The following BANK1 variants were observed in gnomAD, a reference collection of about 807,000 sequenced individuals.
The protein encoded by BANK1 is B cell scaffold protein with ankyrin repeats 1, also known as B-cell scaffold protein with ankyrin repeats.
In BANK1, 95 loss-of-function variants were observed where a neutral mutation model predicts 94.5. The ratio of observed to expected loss-of-function variants is 1.00; its 90% CI spans 0.85 to 1.19. The LOEUF (loss-of-function observed/expected upper bound fraction) is 1.19. Ranked by LOEUF, BANK1 falls within the 50% of genes most tolerant of loss-of-function variation. The pLI is 0.00. For missense variants in BANK1, 987 were observed against 932.2 expected, an observed-to-expected ratio of 1.06 and a Z score of -0.77; for synonymous variants, 334 against 308.4, an observed-to-expected ratio of 1.08 and a Z score of -0.87.
At chr4:101,977,795 T>C (rs1725185417) in intron 7 of BANK1, among the ~76,000 whole-genome samples, 1 of 152,124 alleles carries the variant, frequency 6.6e-6, no homozygotes, top group Non-Finnish European at 1.5e-5. Flanking sequence ...AAGACAAAAA[T>C]GATAGAACTA....
chr4:102,045,827 T>C (rs992301503), intron 11 of BANK1, among the ~76,000 whole-genome samples: 8 of 151,962 alleles, frequency 5.3e-5, no homozygotes, highest in Non-Finnish European at 8.8e-5. Flanking sequence ...TTCATGCTCA[T>C]GGGTAGGAAG....
At chr4:102,011,175 C>T (rs1726501636) in intron 7 of BANK1, among the ~76,000 whole-genome samples, 1 of 152,202 alleles carries the variant, frequency 6.6e-6, no homozygotes, top group South Asian at 2.1e-4. Context: ...AGGAAAATTT[C>T]CCCAAAGGTA....
At chr4:101,893,230 A>G (rs1721939870) in intron 5 of BANK1, among the ~76,000 whole-genome samples, 1 of 152,008 alleles carries the variant, frequency 6.6e-6, no homozygotes, top group Non-Finnish European at 1.5e-5. Flanking sequence ...GGTACCCTCC[A>G]TGAGAAATGG....
intron 14 of BANK1, 33 bp downstream of exon 14, chr4:102,071,337 A>T (rs1239783830): frequency 6.2e-7 from 1 of 1,601,034 alleles, no homozygotes; most frequent in South Asian, 1.1e-5. Flanking sequence ...AGGATCTAAG[A>T]CTAAAACAAA....
chr4:101,824,347 G>T (rs934450059), intron 1 of BANK1, among the ~76,000 whole-genome samples: 2 of 152,206 alleles, frequency 1.3e-5, no homozygotes, highest in Admixed American at 1.3e-4. Context: ...GATGTGGGAT[G>T]TACATCCACA....
At chr4:102,007,146 T>TTATATATATATATA (rs376933355) in intron 7 of BANK1, among the ~76,000 whole-genome samples, 1 of 38,066 alleles carries the variant, frequency 2.6e-5, no homozygotes, top group Non-Finnish European at 6.8e-5. Flanking sequence ...AAAATATATT[T>TTATATATATATATA]TATATATATA....
rs527575052 is a variant in BANK1 at position 102,069,860 on chromosome 4, G to C, written c.2213-1415G>C. On this transcript the variant is annotated intron_variant, in intron 13 of 16. Coordinates refer to ENST00000322953, the MANE Select transcript of BANK1 (RefSeq NM_017935.5). ...TACACATACTGAGTGAAAGATAACA[G>C]ATAAAAAGGATGGATCAGACACAAG... Among the ~76,000 whole-genome samples the C allele has an allele frequency of 2.6e-5, 4 of 152,204 alleles. No individual in the cohort carries two copies. The South Asian group carries it at 8.3e-4, about 32-fold the overall frequency.
intron 1 of BANK1, among the ~76,000 whole-genome samples, chr4:101,825,179 G>C (rs1391820981): frequency 6.6e-5 from 10 of 152,028 alleles, no homozygotes; most frequent in African/African-American, 2.4e-4. Context: ...TTTTTATTAT[G>C]ATGCAACTTT....
intron 2 of BANK1, among the ~76,000 whole-genome samples, chr4:101,847,736 T>TACACACACACACACACACACACACAC (rs35196238): frequency 6.4e-4 from 94 of 145,774 alleles, no homozygotes; most frequent in African/African-American, 2.3e-3. Context: ...TATTCCATCA[T>TACACACACACACACACACACACACAC]ACACACACAC....
At chr4:101,917,907 C>T in intron 6 of BANK1, 86 bp from the exon 7 acceptor site, 1 of 941,282 alleles carries the variant, frequency 1.1e-6, no homozygotes, top group Non-Finnish European at 1.6e-6. Flanking sequence ...ATGGGAATTA[C>T]TTTTAGGAGC....
At chr4:101,947,799 G>C (rs865777600) in intron 7 of BANK1, among the ~76,000 whole-genome samples, 5 of 151,964 alleles carry the variant, frequency 3.3e-5, no homozygotes, top group Middle Eastern at 3.4e-3. Context: ...GTTTAGTCAT[G>C]TTCACTTATC....
chr4:102,055,408 A>G (rs1208386805), intron 11 of BANK1, among the ~76,000 whole-genome samples: 1 of 152,012 alleles, frequency 6.6e-6, no homozygotes, highest in Non-Finnish European at 1.5e-5. Context: ...TCAGAAGTAG[A>G]GGTATTCGTG....
In BANK1 at chr4:101,829,940, G is replaced by T. The variant is rs369642143; in HGVS notation, c.203G>T (p.Arg68Leu). ...TATCGCTTGGAGAATTTCTCTTTTC[G>T]GCATTTGGAGTTGCTGAACTTAACG... ...LLYRLENFSF[R>L]HLELLNLTSY... The change falls in exon 2 of 17, where the codon CGG (arginine) becomes CTG (leucine). Residue 68 changes from arginine to leucine, a missense_variant. By Grantham distance (102) the Arg-to-Leu change is moderately radical (BLOSUM62 -2). Transcript: ENST00000322953. 1 of 1,613,798 alleles carries T rather than the reference G, an allele frequency of 6.2e-7. No individual in the cohort carries two copies. Among genetic ancestry groups the T allele is most frequent in the Admixed American group, 1.7e-5 (1 of 59,996 alleles).
At chr4:101,827,515 T>G (rs985598706) in intron 1 of BANK1, among the ~76,000 whole-genome samples, 1 of 151,980 alleles carries the variant, frequency 6.6e-6, no homozygotes, top group Admixed American at 6.6e-5. Flanking sequence ...TTTTTCCCAC[T>G]GTGTAATCAC....
At chr4:101,954,135 G>A (rs1724261759) in intron 7 of BANK1, among the ~76,000 whole-genome samples, 1 of 152,038 alleles carries the variant, frequency 6.6e-6, no homozygotes, top group African/African-American at 2.4e-5. Flanking sequence ...TGTTTTCCCT[G>A]TGTGTATCTC....
chr4:101,830,469 T>C (rs1726574398), intron 2 of BANK1, among the ~76,000 whole-genome samples: 1 of 152,170 alleles, frequency 6.6e-6, no homozygotes, highest in South Asian at 2.1e-4. Context: ...GATGAGATCA[T>C]GGCAGAACAA....
intron 13 of BANK1, among the ~76,000 whole-genome samples, chr4:102,063,818 CAA>C (rs1205075236): frequency 5.5e-4 from 39 of 71,294 alleles, no homozygotes; most frequent in Admixed American, 6.4e-4. Context: ...GACTCTATCT[CAA>C]AAAAAAAAAA....
intron 11 of BANK1, among the ~76,000 whole-genome samples, chr4:102,048,675 T>G (rs1727956901): frequency 6.6e-6 from 1 of 152,160 alleles, no homozygotes; most frequent in Non-Finnish European, 1.5e-5. Flanking sequence ...ATTATTTAAC[T>G]CTTCCTCTAT....
At chr4:101,977,340 CAAG>C (rs1310395632) in intron 7 of BANK1, among the ~76,000 whole-genome samples, 1 of 152,112 alleles carries the variant, frequency 6.6e-6, no homozygotes, top group Non-Finnish European at 1.5e-5. Context: ...AAGCCTAACT[CAAG>C]GAGGAGAGAG....
Sources: allele counts gnomAD v4.1 joint callset (sites outside exome capture counted in the v4.1 genomes callset), GRCh38; gene constraint gnomAD v4.1.1; transcripts MANE v1.5; gene names NCBI Gene and HGNC (gene_info 2026-07-23, HGNC 2026-07-21).